Variants in NSMCE4A observed in about 807,000 individuals in gnomAD.
NSMCE4A encodes non-structural maintenance of chromosomes element 4 homolog A.
In NSMCE4A, 40 loss-of-function variants were observed where a neutral mutation model predicts 47.9. The ratio of observed to expected loss-of-function variants is 0.83; its 90% CI spans 0.65 to 1.09. NSMCE4A has a LOEUF of 1.09. Among genes scored for constraint, NSMCE4A ranks in the 50% least tolerant of loss-of-function variants. The pLI is 0.00. For missense variants in NSMCE4A, 500 were observed against 507.0 expected, an observed-to-expected ratio of 0.99 and a Z score of 0.13; for synonymous variants, 166 against 178.5, an observed-to-expected ratio of 0.93 and a Z score of 0.56.
In NSMCE4A at chr10:121,975,153, T is replaced by C. The variant is rs1952794692; in HGVS notation, c.13A>G (p.Ser5Gly). 6 of 1,401,954 alleles carry C rather than the reference T, an allele frequency of 4.3e-6. No homozygotes were observed. The highest frequency in any genetic ancestry group is 3.0e-5 in the East Asian group (1 of 32,842). 86.8% of individuals were successfully genotyped at this position (1,401,954 alleles called of 1,614,324 possible). A position where few individuals can be genotyped will look rare whatever the true frequency, so the allele number is the denominator to read the frequency against. MSGD[S>G]SGRGPEGRGR... is the part of the protein sequence containing the mutation. Reference sequence around the variant, plus strand: ...CGGCCCTCTGGCCCGCGGCCGCTGCTGTCCCCAGACATAGCGCCAATTCAC... The same window carrying C: ...CGGCCCTCTGGCCCGCGGCCGCTGCCGTCCCCAGACATAGCGCCAATTCAC... Residue 5 changes from serine to glycine, a missense_variant, in exon 1 of 11, where the codon AGC (serine) becomes GGC (glycine). Ser to Gly is a moderately conservative substitution (Grantham distance 56). Transcript: ENST00000369023.
At chr10:121,974,814 C>G (rs1181912089) in intron 1 of NSMCE4A, 60 bp downstream of exon 1, 1 of 1,248,350 alleles carries the variant, frequency 8.0e-7, no homozygotes, top group Non-Finnish European at 1.0e-6. Flanking sequence ...CCCCCGCGCC[C>G]GGCGCAGGGC....
chr10:121,973,331 T>C (rs1271967442), intron 2 of NSMCE4A, among the ~76,000 whole-genome samples: 1 of 151,808 alleles, frequency 6.6e-6, no homozygotes, highest in East Asian at 1.9e-4. Context: ...GTGGTCTGGG[T>C]AGTAGTCCTG....
chr10:121,963,367 T>G (rs1229955997), intron 5 of NSMCE4A, 39 bp from the exon 6 acceptor site: 2 of 1,210,160 alleles, frequency 1.7e-6, no homozygotes, highest in Non-Finnish European at 2.4e-6. Context: ...ACCTACTTAC[T>G]GGCCTATTAA....
intron 3 of NSMCE4A, among the ~76,000 whole-genome samples, chr10:121,969,342 C>A (rs531961030): frequency 6.6e-6 from 1 of 152,020 alleles, no homozygotes; most frequent in Non-Finnish European, 1.5e-5. Flanking sequence ...ACACTCCAGC[C>A]TGGGCAACAA....
Position 121,960,164 on chromosome 10 carries a change from T to C in NSMCE4A, c.988+194A>G, listed in dbSNP as rs1952472275. 7.4e-6 allele frequency: 3 copies of C among 407,908 alleles called. No homozygotes were observed. The highest frequency in any genetic ancestry group is 1.3e-5 in the Non-Finnish European group (3 of 229,484). The allele number at this position is 407,908 out of a possible 1,614,324, so 25.3% of individuals were successfully genotyped here. A position where few individuals can be genotyped will look rare whatever the true frequency, so the allele number is the denominator to read the frequency against. On this transcript the variant is annotated intron_variant, in intron 8 of 10. Coordinates refer to ENST00000369023, the MANE Select transcript of NSMCE4A (RefSeq NM_017615.3). This position sits in a 1 kb window ranked among gnomAD's most constrained non-coding sequence, Gnocchi z 4.2. ...GTTAATATTTACAGCAGATGTTGAA[T>C]CAATGATATAGATGAATCCATCAAA...
intron 10 of NSMCE4A, among the ~76,000 whole-genome samples, chr10:121,958,896 C>T (rs1952447746): frequency 6.6e-6 from 1 of 151,546 alleles, no homozygotes; most frequent in Non-Finnish European, 1.5e-5. Flanking sequence ...GCCACTGCAA[C>T]CTCCACCTCC....
intron 3 of NSMCE4A, among the ~76,000 whole-genome samples, chr10:121,968,483 A>G (rs954358026): frequency 1.3e-5 from 2 of 152,170 alleles, no homozygotes; most frequent in Non-Finnish European, 2.9e-5. Context: ...ACAAATCTCT[A>G]TTCAGCTTGT....
chr10:121,974,547 C>T, intron 1 of NSMCE4A: 2 of 1,015,376 alleles, frequency 2.0e-6, no homozygotes, highest in Non-Finnish European at 2.4e-6. Context: ...CGAGGACTGC[C>T]GGGCGCAATC....
intron 5 of NSMCE4A, among the ~76,000 whole-genome samples, chr10:121,964,120 A>C (rs952050716): frequency 1.4e-5 from 2 of 141,058 alleles, no homozygotes; most frequent in African/African-American, 5.2e-5. Flanking sequence ...TTTAAAAAAA[A>C]ACAGATTTTC....
At chr10:121,971,340 C>G (rs1418836407) in intron 2 of NSMCE4A, among the ~76,000 whole-genome samples, 1 of 152,074 alleles carries the variant, frequency 6.6e-6, no homozygotes, top group Non-Finnish European at 1.5e-5. Context: ...GAAACCCCAG[C>G]TCTACTAAAA....
At chr10:121,974,593 T>G in intron 1 of NSMCE4A, 1 of 1,043,222 alleles carries the variant, frequency 9.6e-7, no homozygotes, top group Non-Finnish European at 1.2e-6. Context: ...CTCTCCCCAC[T>G]GGCTGGCTGG....
At chr10:121,959,633 T>A in intron 8 of NSMCE4A, 38 bp from the exon 9 acceptor site, 1 of 1,429,116 alleles carries the variant, frequency 7.0e-7, no homozygotes, top group Non-Finnish European at 9.9e-7. Context: ...TATCAAAGGT[T>A]ATTAAATCGG....
At chr10:121,963,480 G>A (rs1002054780) in intron 5 of NSMCE4A, 152 bp from the exon 6 acceptor site, 1 of 592,320 alleles carries the variant, frequency 1.7e-6, no homozygotes, top group East Asian at 2.8e-5. Context: ...ACCCAGGCTA[G>A]AGTGCAGTTG....
intron 2 of NSMCE4A, 126 bp downstream of exon 2, chr10:121,973,878 C>G (rs1013414659): frequency 6.1e-6 from 4 of 657,882 alleles, no homozygotes; most frequent in Non-Finnish European, 1.1e-5. Context: ...TATAATGAAA[C>G]GGTTCCCGAA....
intron 4 of NSMCE4A, 149 bp from the exon 5 acceptor site, chr10:121,965,534 T>A: frequency 1.6e-6 from 1 of 622,902 alleles, no homozygotes; most frequent in Non-Finnish European, 2.8e-6. Flanking sequence ...AGACTCTTGA[T>A]AAGGTTTGTG....
intron 3 of NSMCE4A, among the ~76,000 whole-genome samples, 186 bp downstream of exon 3, chr10:121,970,753 C>A (rs566109857): frequency 8.6e-4 from 131 of 152,230 alleles, no homozygotes; most frequent in African/African-American, 3.1e-3. Context: ...TACTCCAAGC[C>A]CCCACCCAAG....
At chr10:121,973,694 G>A (rs11200298) in intron 2 of NSMCE4A, among the ~76,000 whole-genome samples, 1 of 152,150 alleles carries the variant, frequency 6.6e-6, no homozygotes, top group East Asian at 1.9e-4. Flanking sequence ...ATGTATACTA[G>A]GGATACGGCA....
chr10:121,967,557 T>C (rs998780025), intron 4 of NSMCE4A, 98 bp downstream of exon 4: 3 of 1,287,708 alleles, frequency 2.3e-6, no homozygotes, highest in Non-Finnish European at 3.2e-6. Context: ...GCATCATGAC[T>C]GTCACCTCTA....
At position 121,974,084 on chromosome 10, in the gene NSMCE4A, A is replaced by C. The variant is rs745591327; in HGVS notation, c.293-3T>G. The C allele has an allele frequency of 6.3e-7, 1 of 1,594,172 alleles. No individual in the cohort carries two copies. On this transcript the variant is annotated splice_region_variant and splice_polypyrimidine_tract_variant and intron_variant, in intron 1 of 10. Transcript: ENST00000369023. ...ATTCAGTATGTCCTCACGGTTTTCT[A>C]TTTTTAAAAATACAAACTTTGGGAA...
Sources: allele counts gnomAD v4.1 joint callset (sites outside exome capture counted in the v4.1 genomes callset), GRCh38; gene constraint gnomAD v4.1.1; non-coding constraint Gnocchi (gnomAD v3.1); transcripts MANE v1.5; gene names NCBI Gene and HGNC (gene_info 2026-07-23, HGNC 2026-07-21).